The following ATF7 variants were observed in gnomAD, a reference collection of about 807,000 sequenced individuals.
ATF7 encodes the protein activating transcription factor 7.
Under a neutral mutation model 50.4 loss-of-function variants are expected in ATF7, and 10 were observed. The observed-to-expected ratio is 0.20, with a 90% confidence interval of 0.12 to 0.34. ATF7 has a LOEUF of 0.34. ATF7 is among the 10% of genes least tolerant of loss of function. The pLI, the probability that ATF7 is intolerant of heterozygous loss-of-function variation, is 1.00. For missense variants in ATF7, 465 were observed against 613.9 expected (o/e 0.76, Z 2.56); for synonymous variants, 201 against 226.4 (o/e 0.89, Z 1.01).
At position 53,534,629 on chromosome 12, in the gene ATF7, T is replaced by C. The variant is rs1165304667; in HGVS notation, c.433A>G (p.Thr145Ala). 3 of 1,612,428 alleles carry C rather than the reference T, an allele frequency of 1.9e-6. No individual in the cohort carries two copies. Among genetic ancestry groups the C allele is most frequent in the Admixed American group, 1.7e-5 (1 of 59,510 alleles). Residue 145 changes from threonine (T) to alanine (A), a missense_variant, in exon 6 of 12, where the codon ACC becomes GCC. By Grantham distance (58) the Thr-to-Ala change is moderately conservative. Transcript: ENST00000420353. Reference protein sequence around the residue: ...EVTPKPVLISTPTPTIVRPGS... With the variant: ...EVTPKPVLISAPTPTIVRPGS... Reference sequence around the variant, plus strand: ...GGACGTACAATGGTGGGTGTGGGGGTAGAGATCAGAACAGGCTTTGGGGTA... The same window carrying C: ...GGACGTACAATGGTGGGTGTGGGGGCAGAGATCAGAACAGGCTTTGGGGTA...
At chr12:53,546,621 T>C (rs1939936121) in intron 3 of ATF7, among the ~76,000 whole-genome samples, 1 of 150,388 alleles carries the variant, frequency 6.6e-6, no homozygotes, top group Admixed American at 6.6e-5. Context: ...GCTAATTTTT[T>C]GTATTTTTAG....
At chr12:53,553,429 G>A (rs1047253000) in intron 2 of ATF7, among the ~76,000 whole-genome samples, 2 of 152,168 alleles carry the variant, frequency 1.3e-5, no homozygotes, top group Non-Finnish European at 2.9e-5. Context: ...GAAGAGAAAG[G>A]GAGATGGTAT....
intron 3 of ATF7, among the ~76,000 whole-genome samples, chr12:53,551,158 A>G (rs1165197589): frequency 6.6e-6 from 1 of 152,050 alleles, no homozygotes; most frequent in East Asian, 1.9e-4. Flanking sequence ...GATCTCCCCC[A>G]GGTTTTCCTT....
intron 2 of ATF7, among the ~76,000 whole-genome samples, chr12:53,596,135 T>C (rs989613226): frequency 1.1e-4 from 16 of 152,118 alleles, no homozygotes; most frequent in African/African-American, 3.9e-4. Context: ...CTGTCTCTAC[T>C]AAAAATACAA....
Position 53,523,473 on chromosome 12 carries a change from A to G in ATF7, c.1126-89T>C, listed in dbSNP as rs1178047625. On this transcript the variant is annotated intron_variant, in intron 10 of 11. Transcript: ENST00000420353. ...GCTGTTCCCAAAGGAAGGACAGAAT[A>G]TTGCCTCGATTTTCTCCCCTGAATT... is the stretch of plus-strand genomic sequence containing the variant. 9 of 938,808 alleles carry G rather than the reference A, an allele frequency of 9.6e-6. No individual in the cohort carries two copies. In the Admixed American group the frequency reaches 1.7e-4, roughly 18 times the overall value. 58.2% of individuals were successfully genotyped at this position (938,808 alleles called of 1,614,324 possible).
intron 2 of ATF7, among the ~76,000 whole-genome samples, chr12:53,554,870 G>GAAAAAAAAA (rs61675595): frequency 6.3e-4 from 48 of 75,992 alleles, no homozygotes; most frequent in African/African-American, 7.4e-4. Flanking sequence ...CTCAAAAAAA[G>GAAAAAAAAA]AAAAAAAAAA....
chr12:53,618,702 A>ATC (rs1944246961), intron 1 of ATF7, among the ~76,000 whole-genome samples: 1 of 151,544 alleles, frequency 6.6e-6, no homozygotes, highest in Non-Finnish European at 1.5e-5. Flanking sequence ...ATAAATGGCA[A>ATC]TTGTGTGTGT....
At chr12:53,577,458 T>C (rs764812465) in intron 2 of ATF7, among the ~76,000 whole-genome samples, 16 of 151,874 alleles carry the variant, frequency 1.1e-4, no homozygotes, top group Non-Finnish European at 1.9e-4. Context: ...GGCTCATTCC[T>C]GTAATCCCAG....
chr12:53,577,202 CTT>C (rs1942122118), intron 2 of ATF7, among the ~76,000 whole-genome samples: 1 of 152,078 alleles, frequency 6.6e-6, no homozygotes, highest in Non-Finnish European at 1.5e-5. Flanking sequence ...TGGAGGATGA[CTT>C]GAGCCCACGA....
At chr12:53,509,919 TC>T (rs1413064976), downstream of ATF7, among the ~76,000 whole-genome samples, 2 of 152,304 alleles carry the variant, frequency 1.3e-5, no homozygotes, top group East Asian at 3.9e-4. Flanking sequence ...ATCTGGATGC[TC>T]CAGATACCAT....
chr12:53,561,671 T>C (rs138105027), intron 2 of ATF7, among the ~76,000 whole-genome samples: 1 of 152,312 alleles, frequency 6.6e-6, no homozygotes, highest in East Asian at 1.9e-4. Flanking sequence ...TGGTCAATCC[T>C]AGGCTCCTGC....
chr12:53,558,407 A>G (rs1940879752), intron 2 of ATF7, among the ~76,000 whole-genome samples: 1 of 152,224 alleles, frequency 6.6e-6, no homozygotes, highest in Non-Finnish European at 1.5e-5. Flanking sequence ...AAGAAATAAG[A>G]AAAAAAGCTG....
chr12:53,615,498 A>C (rs572687846), intron 1 of ATF7, among the ~76,000 whole-genome samples: 2 of 152,344 alleles, frequency 1.3e-5, no homozygotes, highest in South Asian at 4.1e-4. Context: ...ATAAAACTTA[A>C]ATATTACTGG....
intron 2 of ATF7, among the ~76,000 whole-genome samples, chr12:53,575,407 TAAA>T (rs554041037): frequency 3.3e-5 from 4 of 121,766 alleles, no homozygotes; most frequent in African/African-American, 3.1e-5. Context: ...AACTCTGTCT[TAAA>T]AAAAAAAAAA....
Position 53,537,458 on chromosome 12 carries a change from T to A in ATF7, c.359A>T (p.Asp120Val). ...EPVEVDSSPP[D>V]SPASSPCSPP... ...GGAACAGGGACTAGAGGCAGGGCTA[T>A]CAGGTGGGGATGAGTCTACCTCCAC... The change falls in exon 5 of 12, where the codon GAT becomes GTT. Residue 120 changes from aspartate (D) to valine (V), a missense_variant. Asp to Val is a radical substitution (Grantham distance 152). Transcript: ENST00000420353. 6.2e-7 allele frequency: 1 copy of A among 1,613,856 alleles called. No homozygotes were observed. The highest frequency in any genetic ancestry group is 1.7e-5 in the Admixed American group (1 of 60,022).
At chr12:53,559,903 C>A (rs536198433) in intron 2 of ATF7, among the ~76,000 whole-genome samples, 1 of 152,146 alleles carries the variant, frequency 6.6e-6, no homozygotes, top group South Asian at 2.1e-4. Context: ...TAGTTCCCTC[C>A]TCTTTACTTT....
intron 2 of ATF7, chr12:53,576,078 G>C (rs1942051008): frequency 6.5e-6 from 1 of 154,764 alleles, no homozygotes; most frequent in Non-Finnish European, 1.5e-5. Flanking sequence ...TCTCTTACCA[G>C]ACACCAGAGG....
Position 53,587,366 on chromosome 12 carries a change from C to CAAAAAAAAAAAAAAAAAAAAAAAAA in ATF7, c.48+13586_48+13587insTTTTTTTTTTTTTTTTTTTTTTTTT, listed in dbSNP as rs55904354. On this transcript the variant is annotated intron_variant, in intron 2 of 11. Transcript: ENST00000420353. ...TGGGTGACAGAGCGAAATTCCGCAT[C>CAAAAAAAAAAAAAAAAAAAAAAAAA]AAAAAAAAAAAAAAAAAGAAGGAAA... is the stretch of plus-strand genomic sequence containing the variant. 2.5e-3 allele frequency among the ~76,000 whole-genome samples: 158 copies of CAAAAAAAAAAAAAAAAAAAAAAAAA among 62,240 alleles called. 6 individuals carry two copies. Among genetic ancestry groups the CAAAAAAAAAAAAAAAAAAAAAAAAA allele is most frequent in the East Asian group, 0.025 (12 of 482 alleles). The allele number at this position is 62,240 out of a possible 152,430, so 40.8% of individuals were successfully genotyped here. A position where few individuals can be genotyped will look rare whatever the true frequency, so the allele number is the denominator to read the frequency against.
chr12:53,604,102 C>A lies in ATF7; in HGVS notation c.-21-3081G>T, dbSNP rs1370554955. Among the ~76,000 whole-genome samples the A allele has an allele frequency of 2.0e-5, 3 of 152,044 alleles. No homozygotes were observed. The South Asian group carries it at 6.2e-4, about 31-fold the overall frequency. Reference sequence around the variant, plus strand: ...AACATAAGCATTTTATAGAACTAAACAATAAATGACAGAAGAGGGATACAC... The same window carrying A: ...AACATAAGCATTTTATAGAACTAAAAAATAAATGACAGAAGAGGGATACAC... On this transcript the variant is annotated intron_variant, in intron 1 of 11. Transcript: ENST00000420353.
Sources: gnomAD v4.1 joint callset for allele counts (sites outside exome capture counted in the v4.1 genomes callset) on GRCh38, gnomAD v4.1.1 for gene constraint, MANE v1.5 for transcripts, NCBI Gene and HGNC (gene_info 2026-07-23, HGNC 2026-07-21) for gene names.